The following PIAS1 variants were observed in gnomAD, a reference collection of about 807,000 sequenced individuals.
PIAS1 encodes the protein protein inhibitor of activated STAT 1.
Under a neutral mutation model 71.3 loss-of-function variants are expected in PIAS1, and 6 were observed. The ratio of observed to expected loss-of-function variants is 0.08; its 90% CI spans 0.05 to 0.17. PIAS1 has a LOEUF of 0.17. PIAS1 is among the 10% of genes least tolerant of loss of function. The probability of loss-of-function intolerance (pLI) is 1.00; values close to 1 mark genes in which losing one functional copy is unlikely to be tolerated. For missense variants in PIAS1, 555 were observed against 793.6 expected (o/e 0.70, Z 3.61); for synonymous variants, 303 against 292.9 (o/e 1.03, Z -0.35).
rs148556787 is a variant in PIAS1, at chr15:68,179,736, T to C, written c.1482-1476T>C. 7.6e-3 allele frequency among the ~76,000 whole-genome samples: 1,159 copies of C among 151,684 alleles called. 4 individuals are homozygous for C. Among genetic ancestry groups the C allele is most frequent in the East Asian group, 0.035 (181 of 5,140 alleles). On this transcript the variant is annotated intron_variant, in intron 11 of 13. Coordinates refer to ENST00000249636, the MANE Select transcript of PIAS1 (RefSeq NM_016166.3). ...GATTACAGGCATGCACCACCATGCC[T>C]GGCTAATTTTTTGTATTTTTTAGTA...
intron 8 of PIAS1, among the ~76,000 whole-genome samples, chr15:68,165,635 A>C (rs983968915): frequency 1.3e-5 from 2 of 152,242 alleles, no homozygotes; most frequent in African/African-American, 4.8e-5. Flanking sequence ...ATTTTCATGA[A>C]ATAAATATAT....
intron 2 of PIAS1, among the ~76,000 whole-genome samples, chr15:68,103,354 C>A (rs1375092068): frequency 1.4e-5 from 2 of 145,026 alleles, no homozygotes; most frequent in Non-Finnish European, 3.0e-5. Context: ...TTAAGCTTTT[C>A]GTTAGCATTT....
intron 2 of PIAS1, among the ~76,000 whole-genome samples, chr15:68,113,169 A>G (rs1422464999): frequency 6.6e-6 from 1 of 152,164 alleles, no homozygotes; most frequent in Non-Finnish European, 1.5e-5. Context: ...TTTGTGGGGA[A>G]CAAAGTATAT....
At chr15:68,121,672 C>T (rs948791885) in intron 2 of PIAS1, among the ~76,000 whole-genome samples, 26 of 152,122 alleles carry the variant, frequency 1.7e-4, no homozygotes, top group Non-Finnish European at 5.9e-5. Flanking sequence ...ACTCCCATAA[C>T]TTAATCTGCT....
At chr15:68,103,704 A>G (rs1301419423) in intron 2 of PIAS1, among the ~76,000 whole-genome samples, 1 of 152,186 alleles carries the variant, frequency 6.6e-6, no homozygotes, top group East Asian at 1.9e-4. Context: ...ATGGAATCGT[A>G]TGGTATATGA....
chr15:68,067,614 T>G (rs901537959), intron 1 of PIAS1, among the ~76,000 whole-genome samples: 13 of 152,220 alleles, frequency 8.5e-5, no homozygotes, highest in African/African-American at 2.9e-4. Flanking sequence ...TAATATATAA[T>G]AATGATTCTT....
At chr15:68,142,383 T>C (rs1361873559) in intron 4 of PIAS1, 46 bp downstream of exon 4, 2 of 1,355,170 alleles carry the variant, frequency 1.5e-6, no homozygotes, top group South Asian at 1.2e-5. Context: ...AAAGATAATA[T>C]TCCTTTTCAC....
At chr15:68,074,651 A>C (rs1488463898) in intron 1 of PIAS1, among the ~76,000 whole-genome samples, 1 of 152,210 alleles carries the variant, frequency 6.6e-6, no homozygotes, top group Non-Finnish European at 1.5e-5. Flanking sequence ...ACAAAAGATA[A>C]AAGACTTTTT....
intron 1 of PIAS1, among the ~76,000 whole-genome samples, chr15:68,055,588 G>A (rs911865836): frequency 4.6e-5 from 7 of 152,060 alleles, no homozygotes; most frequent in Admixed American, 3.9e-4. Context: ...TAACTAACGC[G>A]TATTATTTCG....
chr15:68,068,691 G>A (rs533056347), intron 1 of PIAS1, among the ~76,000 whole-genome samples: 2 of 151,752 alleles, frequency 1.3e-5, no homozygotes, highest in South Asian at 2.1e-4. Context: ...GACCTCAGGT[G>A]TTCCACCCAC....
chr15:68,107,368 T>C (rs1185727418), intron 2 of PIAS1, among the ~76,000 whole-genome samples: 1 of 152,202 alleles, frequency 6.6e-6, no homozygotes, highest in African/African-American at 2.4e-5. Flanking sequence ...ATTCCATTTC[T>C]TCTTAGGGGA....
At chr15:68,099,194 T>C (rs1382173465) in intron 2 of PIAS1, among the ~76,000 whole-genome samples, 1 of 151,326 alleles carries the variant, frequency 6.6e-6, no homozygotes, top group African/African-American at 2.4e-5. Flanking sequence ...CACATCGTTA[T>C]TTATTTATGA....
At chr15:68,135,565 T>C (rs1595755603) in intron 2 of PIAS1, among the ~76,000 whole-genome samples, 1 of 34,220 alleles carries the variant, frequency 2.9e-5, no homozygotes, top group African/African-American at 6.5e-5. Context: ...CCAGTAGGGG[T>C]GAACGGGCAG....
In PIAS1 at chr15:68,054,444, G is replaced by A. The variant is rs2091872039; in HGVS notation, c.24+94G>A. 4 of 1,331,922 alleles carry A rather than the reference G, an allele frequency of 3.0e-6. No individual in the cohort carries two copies. Among genetic ancestry groups the A allele is most frequent in the Non-Finnish European group, 4.2e-6 (4 of 954,340 alleles). The allele number at this position is 1,331,922 out of a possible 1,614,324, so 82.5% of individuals were successfully genotyped here. A position where few individuals can be genotyped will look rare whatever the true frequency, so the allele number is the denominator to read the frequency against. On this transcript the variant is annotated intron_variant, in intron 1 of 13. Coordinates refer to ENST00000249636, the MANE Select transcript of PIAS1 (RefSeq NM_016166.3). The surrounding 1 kb of genome is among the most constrained non-coding windows in gnomAD (Gnocchi z 4.6). ...TGGGTCCGACCCTGGGGGGCCTCTCGGGCCTGACTCCACCCGGGCCTGGAG... is the reference window on the plus strand; with the variant it reads ...TGGGTCCGACCCTGGGGGGCCTCTCAGGCCTGACTCCACCCGGGCCTGGAG...
intron 12 of PIAS1, chr15:68,181,846 A>G (rs1433398056): frequency 1.3e-5 from 2 of 155,008 alleles, no homozygotes; most frequent in Non-Finnish European, 2.9e-5. Context: ...CACCAGGCTA[A>G]TGTTTTATAT....
In PIAS1 at chr15:68,086,221, G is replaced by T; in HGVS notation, c.25-85G>T. The T allele has an allele frequency of 2.2e-6, 2 of 910,426 alleles. No individual in the cohort carries two copies. Among genetic ancestry groups the T allele is most frequent in the Non-Finnish European group, 3.3e-6 (2 of 612,016 alleles). 56.4% of individuals were successfully genotyped at this position (910,426 alleles called of 1,614,324 possible). On this transcript the variant is annotated intron_variant, in intron 1 of 13. Transcript: ENST00000249636. This position sits in a 1 kb window ranked among gnomAD's most constrained non-coding sequence, Gnocchi z 7.2. Reference sequence around the variant, plus strand: ...CTTTATTTGCTTAAGTAAACCATAAGAAGGGGGTTATAATAAAGTGTCATT... The same window carrying T: ...CTTTATTTGCTTAAGTAAACCATAATAAGGGGGTTATAATAAAGTGTCATT...
chr15:68,114,474 A>G (rs935029622), intron 2 of PIAS1, among the ~76,000 whole-genome samples: 2 of 152,082 alleles, frequency 1.3e-5, no homozygotes, highest in African/African-American at 4.8e-5. Flanking sequence ...AAAAAATTAC[A>G]TAGTTGTCAA....
chr15:68,057,254 G>T (rs566450425), intron 1 of PIAS1, among the ~76,000 whole-genome samples: 2 of 152,234 alleles, frequency 1.3e-5, no homozygotes, highest in South Asian at 2.1e-4. Flanking sequence ...TTTATGAAAG[G>T]TTTAATTTTT....
chr15:68,076,022 A>G (rs2092159809), intron 1 of PIAS1, among the ~76,000 whole-genome samples: 1 of 152,004 alleles, frequency 6.6e-6, no homozygotes, highest in Admixed American at 6.5e-5. Context: ...ACCTCAGGTG[A>G]TCTGCCCGCT....
Sources: allele counts gnomAD v4.1 joint callset (sites outside exome capture counted in the v4.1 genomes callset), GRCh38; gene constraint gnomAD v4.1.1; non-coding constraint Gnocchi (gnomAD v3.1); transcripts MANE v1.5; gene names NCBI Gene and HGNC (gene_info 2026-07-23, HGNC 2026-07-21).